SCML2: variants seen among roughly 807,000 people sequenced by gnomAD.
SCML2 encodes the protein Scm polycomb group protein like 2, also known as sex comb on midleg-like protein 2.
In SCML2, 6 loss-of-function variants were observed where a neutral mutation model predicts 48.4. The observed-to-expected ratio is 0.12, with a 90% CI of 0.07 to 0.24. The LOEUF (loss-of-function observed/expected upper bound fraction) is 0.24, where lower values mean the gene tolerates loss of function less well. Ranked by LOEUF, SCML2 falls within the 10% of genes least tolerant of loss-of-function variation. The pLI is 1.00. For synonymous variants in SCML2, 181 were observed against 189.5 expected, an observed-to-expected ratio of 0.95 and a Z score of 0.37; for missense variants, 377 against 528.2, an observed-to-expected ratio of 0.71 and a Z score of 2.81.
intron 7 of SCML2, among the ~76,000 whole-genome samples, chrX:18,267,993 G>A (rs1054215448): frequency 5.3e-5 from 6 of 112,245 alleles, no homozygotes; most frequent in African/African-American, 1.9e-4. Flanking sequence ...GTGGCCCTCA[G>A]GCTATTGTTT....
intron 2 of SCML2, among the ~76,000 whole-genome samples, chrX:18,331,977 A>G (rs1929672915): frequency 8.9e-6 from 1 of 112,358 alleles, no homozygotes; most frequent in African/African-American, 3.2e-5. Context: ...AGATGACTTC[A>G]TAGGTGGTGT....
chrX:18,284,476 A>G (rs1927974106), intron 7 of SCML2, among the ~76,000 whole-genome samples: 1 of 112,228 alleles, frequency 8.9e-6, no homozygotes, highest in Non-Finnish European at 1.9e-5. Context: ...CAGACAACCT[A>G]CAGAATGGGA....
intron 13 of SCML2, among the ~76,000 whole-genome samples, chrX:18,246,102 T>C (rs768045744): frequency 8.9e-6 from 1 of 111,929 alleles, no homozygotes; most frequent in Non-Finnish European, 1.9e-5. Flanking sequence ...CATGACTTCC[T>C]GGTGGGTCTG....
intron 1 of SCML2, among the ~76,000 whole-genome samples, chrX:18,334,954 G>A (rs1929762692): frequency 8.9e-6 from 1 of 111,880 alleles, no homozygotes; most frequent in Admixed American, 9.5e-5. Flanking sequence ...GCTCATGCCT[G>A]TAATCCTAGC....
intron 11 of SCML2, among the ~76,000 whole-genome samples, chrX:18,252,584 T>C (rs190080097): frequency 5.1e-4 from 57 of 112,509 alleles, no homozygotes; most frequent in African/African-American, 1.7e-3. Context: ...ATGTGAATTA[T>C]ATCTCAATAA....
At chrX:18,348,235 T>C (rs1232899206) in intron 1 of SCML2, among the ~76,000 whole-genome samples, 1 of 111,819 alleles carries the variant, frequency 8.9e-6, no homozygotes, top group Non-Finnish European at 1.9e-5. Context: ...CATGTCAATA[T>C]ACTACAGGCA....
intron 2 of SCML2, among the ~76,000 whole-genome samples, chrX:18,333,590 A>G (rs1347455165): frequency 2.7e-5 from 3 of 112,286 alleles, no homozygotes; most frequent in Admixed American, 9.5e-5. Flanking sequence ...TTTAGTACTC[A>G]GCATTCAGCC....
rs1409178937 is a variant in SCML2, at chrX:18,312,329, AG to A, written c.487-7115del. Reference sequence around the variant, plus strand: ...GATCCACTGAAGATACCAAAATCCAAGGACACTCAAGTCCCTGATATAAAAT... The same window carrying A: ...GATCCACTGAAGATACCAAAATCCAAGACACTCAAGTCCCTGATATAAAAT... On this transcript the variant is annotated intron_variant, in intron 6 of 14. Coordinates refer to ENST00000251900, the MANE Select transcript of SCML2 (RefSeq NM_006089.3). Among the ~76,000 whole-genome samples the A allele has an allele frequency of 5.4e-5, 6 of 111,182 alleles. No homozygotes were observed. The Admixed American group carries it at 5.8e-4, about 11-fold the overall frequency.
chrX:18,330,704 A>G (rs1929627956), intron 2 of SCML2, 49 bp from the exon 3 acceptor site: 1 of 749,852 alleles, frequency 1.3e-6, no homozygotes, highest in Non-Finnish European at 2.0e-6. Flanking sequence ...CAACAGCTTG[A>G]AAGAGCACTC....
intron 1 of SCML2, among the ~76,000 whole-genome samples, chrX:18,349,113 TTC>T (rs1229898967): frequency 1.8e-5 from 2 of 112,345 alleles, no homozygotes; most frequent in Admixed American, 1.9e-4. Context: ...CCGCAAACTT[TTC>T]TCTGAGAAAT....
chrX:18,298,540 A>G (rs1928471900), intron 7 of SCML2, among the ~76,000 whole-genome samples: 1 of 112,487 alleles, frequency 8.9e-6, no homozygotes. Context: ...CAGTGCTAGG[A>G]AAACTGGATA....
intron 1 of SCML2, among the ~76,000 whole-genome samples, chrX:18,339,156 C>A (rs1197991607): frequency 9.0e-6 from 1 of 111,031 alleles, no homozygotes; most frequent in East Asian, 2.8e-4. Context: ...AAAGTACAGA[C>A]CAAAGAGTTG....
chrX:18,281,633 A>C (rs1161298698), intron 7 of SCML2, among the ~76,000 whole-genome samples: 1 of 106,251 alleles, frequency 9.4e-6, no homozygotes, highest in Non-Finnish European at 1.9e-5. Flanking sequence ...AATCACCTGA[A>C]CCTGGGAGGC....
At chrX:18,326,061 T>C (rs1483205851) in intron 3 of SCML2, among the ~76,000 whole-genome samples, 1 of 112,300 alleles carries the variant, frequency 8.9e-6, no homozygotes, top group Non-Finnish European at 1.9e-5. Context: ...GATGTAAATA[T>C]GACCACCATG....
intron 1 of SCML2, among the ~76,000 whole-genome samples, chrX:18,348,537 CTCAAA>C (rs1461579464): frequency 1.8e-5 from 2 of 111,851 alleles, no homozygotes; most frequent in African/African-American, 6.5e-5. Context: ...CAAAAAAAAT[CTCAAA>C]TCAGAGTCTC....
At chrX:18,327,327 G>C (rs1272904874) in intron 3 of SCML2, among the ~76,000 whole-genome samples, 1 of 111,108 alleles carries the variant, frequency 9.0e-6, no homozygotes, top group African/African-American at 3.3e-5. Flanking sequence ...CCAAGATCGC[G>C]CCACTGCACT....
At chrX:18,256,206 C>G (rs1385591109) in intron 11 of SCML2, among the ~76,000 whole-genome samples, 2 of 111,527 alleles carry the variant, frequency 1.8e-5, no homozygotes, top group Non-Finnish European at 3.8e-5. Flanking sequence ...AATCCCAGCA[C>G]TTTGGGAGGC....
intron 13 of SCML2, among the ~76,000 whole-genome samples, chrX:18,245,204 C>T (rs1266831875): frequency 8.9e-6 from 1 of 111,770 alleles, no homozygotes. Context: ...TTTCTATTAC[C>T]AGTAAGTAAA....
chrX:18,337,305 CAAAAAAAAAAAAAAA>C (rs770888184), intron 1 of SCML2, among the ~76,000 whole-genome samples: 1 of 5,058 alleles, frequency 2.0e-4, no homozygotes, highest in Non-Finnish European at 3.6e-4. Context: ...GACTCTGTCT[CAAAAAAAAAAAAAAA>C]AAAAAAAAAA....
Sources: allele counts gnomAD v4.1 joint callset (sites outside exome capture counted in the v4.1 genomes callset), GRCh38; gene constraint gnomAD v4.1.1; transcripts MANE v1.5; gene names NCBI Gene and HGNC (gene_info 2026-07-23, HGNC 2026-07-21).